Variants in TMEM38B observed in about 807,000 individuals in gnomAD.
TMEM38B encodes trimeric intracellular cation channel type B.
In TMEM38B, 24 loss-of-function variants were observed where a neutral mutation model predicts 28.7. The observed-to-expected ratio is 0.84, with a 90% CI of 0.61 to 1.18. The LOEUF (loss-of-function observed/expected upper bound fraction) is 1.18. Among genes scored for constraint, TMEM38B ranks in the 50% most tolerant of loss-of-function variants. TMEM38B has a pLI of 0.00. For missense variants in TMEM38B, 380 were observed against 350.9 expected (o/e 1.08, Z -0.66); for synonymous variants, 131 against 127.7 (o/e 1.03, Z -0.17).
chr9:105,754,433 T>C (rs1269248310), intron 5 of TMEM38B, among the ~76,000 whole-genome samples: 1 of 152,136 alleles, frequency 6.6e-6, no homozygotes, highest in Non-Finnish European at 1.5e-5. Context: ...AATAACAGTC[T>C]CTCAGACCAC....
At chr9:105,707,432 A>G (rs910262461) in intron 2 of TMEM38B, among the ~76,000 whole-genome samples, 3 of 152,154 alleles carry the variant, frequency 2.0e-5, no homozygotes, top group African/African-American at 4.8e-5. Flanking sequence ...TTTTTAATGT[A>G]TAAAGCAGAA....
intron 4 of TMEM38B, among the ~76,000 whole-genome samples, chr9:105,730,519 G>A (rs1836698860): frequency 6.6e-6 from 1 of 152,164 alleles, no homozygotes; most frequent in South Asian, 2.1e-4. Flanking sequence ...AGGGATATTG[G>A]CCTAAAATTC....
chr9:105,729,855 A>G (rs1836665054), intron 4 of TMEM38B, among the ~76,000 whole-genome samples: 1 of 151,866 alleles, frequency 6.6e-6, no homozygotes, highest in African/African-American at 2.4e-5. Flanking sequence ...TGTGAATGGG[A>G]GTTCACTCAT....
At chr9:105,760,599 A>C (rs1349492689) in intron 5 of TMEM38B, 1 of 763,160 alleles carries the variant, frequency 1.3e-6, no homozygotes, top group Non-Finnish European at 2.4e-6. Flanking sequence ...AGGAGAAAAG[A>C]AAAAAACTAA....
In TMEM38B at chr9:105,774,129, C is replaced by G; in HGVS notation, c.*49C>G. On this transcript the variant is annotated 3_prime_UTR_variant, in exon 6 of 6. Coordinates refer to ENST00000374692, the MANE Select transcript of TMEM38B (RefSeq NM_018112.3). ...GCCAAAAATTTTTTTTCTTATCTAC[C>G]TGTTATATTGTGCTAATTTTTCTAT... The G allele has an allele frequency of 2.0e-6, 3 of 1,493,092 alleles. No individual in the cohort carries two copies. The highest frequency in any genetic ancestry group is 2.3e-5 in the South Asian group (2 of 85,398). 92.5% of individuals were successfully genotyped at this position (1,493,092 alleles called of 1,614,324 possible). A position where few individuals can be genotyped will look rare whatever the true frequency, so the allele number is the denominator to read the frequency against.
At chr9:105,722,178 T>C (rs546080699) in intron 3 of TMEM38B, among the ~76,000 whole-genome samples, 1 of 152,198 alleles carries the variant, frequency 6.6e-6, no homozygotes, top group Non-Finnish European at 1.5e-5. Flanking sequence ...GTTTTGCATG[T>C]AGGAATTGAA....
intron 5 of TMEM38B, among the ~76,000 whole-genome samples, chr9:105,750,009 C>T (rs1266642067): frequency 1.3e-5 from 2 of 152,130 alleles, no homozygotes; most frequent in Non-Finnish European, 2.9e-5. Context: ...CCAATTTCAC[C>T]ACACCATTAC....
intron 2 of TMEM38B, among the ~76,000 whole-genome samples, chr9:105,716,552 T>G (rs184801332): frequency 6.8e-6 from 1 of 146,138 alleles, no homozygotes; most frequent in Non-Finnish European, 1.5e-5. Context: ...CCCACTTGCA[T>G]TTTGGGGTTT....
intron 5 of TMEM38B, among the ~76,000 whole-genome samples, chr9:105,752,173 T>C (rs1837679431): frequency 6.6e-6 from 1 of 152,044 alleles, no homozygotes; most frequent in Non-Finnish European, 1.5e-5. Context: ...GTTCTCCATC[T>C]CTCCCTGGGA....
chr9:105,730,035 T>A (rs911460366), intron 4 of TMEM38B, among the ~76,000 whole-genome samples: 11 of 152,214 alleles, frequency 7.2e-5, no homozygotes, highest in African/African-American at 2.4e-4. Context: ...AGAGACAATT[T>A]GAATTCCTCT....
chr9:105,741,417 TGAG>T (rs1837198322), intron 4 of TMEM38B, among the ~76,000 whole-genome samples: 1 of 152,126 alleles, frequency 6.6e-6, no homozygotes, highest in African/African-American at 2.4e-5. Flanking sequence ...CCGAAGGAAG[TGAG>T]GAGCATATTA....
intron 5 of TMEM38B, chr9:105,759,312 T>G: frequency 1.1e-6 from 1 of 888,800 alleles, no homozygotes; most frequent in Non-Finnish European, 1.8e-6. Context: ...GTCTTAAAAA[T>G]TCCTTCACAA....
intron 4 of TMEM38B, among the ~76,000 whole-genome samples, chr9:105,734,630 T>C (rs540223603): frequency 2.4e-4 from 36 of 152,228 alleles, no homozygotes; most frequent in Non-Finnish European, 4.4e-4. Context: ...TGGGAACATA[T>C]ATATTTATAA....
chr9:105,762,364 A>G (rs1175817040), intron 5 of TMEM38B, among the ~76,000 whole-genome samples: 1 of 148,726 alleles, frequency 6.7e-6, no homozygotes, highest in Non-Finnish European at 1.5e-5. Flanking sequence ...CCACTAACTC[A>G]TTATCTAGCA....
intron 5 of TMEM38B, among the ~76,000 whole-genome samples, chr9:105,763,307 G>T (rs1252769903): frequency 6.6e-6 from 1 of 152,026 alleles, no homozygotes; most frequent in Non-Finnish European, 1.5e-5. Context: ...CATTGCTTTT[G>T]GTGTTTTAGA....
At chr9:105,726,481 C>G (rs922192246) in intron 4 of TMEM38B, among the ~76,000 whole-genome samples, 8 of 152,146 alleles carry the variant, frequency 5.3e-5, no homozygotes, top group African/African-American at 2.4e-5. Context: ...TCATCAATAT[C>G]ATCATCTTCC....
At chr9:105,709,229 T>G (rs1489009896) in intron 2 of TMEM38B, among the ~76,000 whole-genome samples, 4 of 152,164 alleles carry the variant, frequency 2.6e-5, no homozygotes, top group Non-Finnish European at 5.9e-5. Flanking sequence ...TTTCCTAGTA[T>G]GTGTTTGGTG....
rs757738302 is a variant in TMEM38B, at chr9:105,747,779, G to T, written c.543-294G>T. Reference sequence around the variant, plus strand: ...CCCAGAGATTCTGGTATGTTGTGTCGTTGTTCTCGTTGGTTTCAAAGAACA... The same window carrying T: ...CCCAGAGATTCTGGTATGTTGTGTCTTTGTTCTCGTTGGTTTCAAAGAACA... On this transcript the variant is annotated intron_variant, in intron 4 of 5. Coordinates refer to ENST00000374692, the MANE Select transcript of TMEM38B (RefSeq NM_018112.3). Among the ~76,000 whole-genome samples the T allele has an allele frequency of 1.2e-3, 177 of 152,004 alleles. 6 individuals carry two copies. The highest frequency in any genetic ancestry group is 7.8e-4 in the Non-Finnish European group (53 of 67,952).
At chr9:105,742,149 T>G in intron 4 of TMEM38B, among the ~76,000 whole-genome samples, 1 of 152,194 alleles carries the variant, frequency 6.6e-6, no homozygotes. Flanking sequence ...CTTTTAAAAT[T>G]CTGCATGCCA....
Sources: gnomAD v4.1 joint callset for allele counts (sites outside exome capture counted in the v4.1 genomes callset) on GRCh38, gnomAD v4.1.1 for gene constraint, MANE v1.5 for transcripts, NCBI Gene and HGNC (gene_info 2026-07-23, HGNC 2026-07-21) for gene names.